Variants in WIZ observed in about 807,000 individuals in gnomAD.
WIZ encodes the protein protein Wiz.
A neutral mutation model predicts 140.2 loss-of-function variants in WIZ; 25 were observed. The ratio of observed to expected loss-of-function variants is 0.18; its 90% confidence interval spans 0.13 to 0.25. The LOEUF is 0.25. Ranked by LOEUF, WIZ falls within the 10% of genes least tolerant of loss-of-function variation. The probability of loss-of-function intolerance (pLI) is 1.00; values close to 1 mark genes in which losing one functional copy is unlikely to be tolerated. For missense variants in WIZ, 2,231 were observed against 2,632.6 expected (o/e 0.85, Z 3.34); for synonymous variants, 1,125 against 1,154.3 (o/e 0.97, Z 0.51).
At position 15,424,433 on chromosome 19, in the gene WIZ, T is replaced by C. The variant is rs1968583698; in HGVS notation, c.5315-55A>G. 3 of 1,575,466 alleles carry C rather than the reference T, an allele frequency of 1.9e-6. No homozygotes were observed. Among genetic ancestry groups the C allele is most frequent in the Non-Finnish European group, 2.6e-6 (3 of 1,164,044 alleles). ...TGGGAGGGGTGGATGCTGCAGAGAC[T>C]TGGAATACACAAGAGCTGAGGACTG... is the stretch of plus-strand genomic sequence containing the variant. On this transcript the variant is annotated intron_variant, in intron 11 of 12. Coordinates refer to ENST00000673675, the MANE Select transcript of WIZ (RefSeq NM_001371589.1). The surrounding 1 kb of genome is among the most constrained non-coding windows in gnomAD (Gnocchi z 9.7).
rs1394458216 is a variant in WIZ at position 15,438,433 on chromosome 19, CA to C, written c.2416+144del. ...GGGGCGTCTCCACACATCCACCGAC[CA>C]GGTGGCCTTCACTGTGGCTCTCAAG... On this transcript the variant is annotated intron_variant, in intron 4 of 12. Transcript: ENST00000673675. The C allele has an allele frequency of 8.9e-6, 8 of 903,716 alleles. No homozygotes were observed. The African/African-American group carries it at 1.3e-4, about 15-fold the overall frequency. The allele number at this position is 903,716 out of a possible 1,614,324, so 56.0% of individuals were successfully genotyped here.
intron 2 of WIZ, among the ~76,000 whole-genome samples, chr19:15,446,094 A>C (rs921189736): frequency 6.6e-6 from 1 of 152,072 alleles, no homozygotes; most frequent in Non-Finnish European, 1.5e-5. Context: ...AGCCATTCCT[A>C]TCCCTGCCCC....
chr19:15,428,622 A>G lies in WIZ; in HGVS notation c.3416-114T>C. The G allele has an allele frequency of 1.6e-6, 2 of 1,267,988 alleles. No homozygotes were observed. The highest frequency in any genetic ancestry group is 2.7e-5 in the South Asian group (2 of 72,768). The allele number at this position is 1,267,988 out of a possible 1,614,324, so 78.5% of individuals were successfully genotyped here. On this transcript the variant is annotated intron_variant, in intron 7 of 12. Coordinates refer to ENST00000673675, the MANE Select transcript of WIZ (RefSeq NM_001371589.1). The surrounding 1 kb of genome is among the most constrained non-coding windows in gnomAD (Gnocchi z 6.4). ...GCTGCTCAGGCAGTTGGGGGGTCCA[A>G]GACTCAGGCCGCAGATTTCTTTTGA...
chr19:15,423,313 G>A, intron 12 of WIZ, 78 bp from the exon 13 acceptor site: 1 of 1,527,822 alleles, frequency 6.5e-7, no homozygotes, highest in Non-Finnish European at 8.8e-7. Context: ...GCATCCCTGG[G>A]CACACCTGCT....
chr19:15,428,826 G>A lies in WIZ; in HGVS notation c.3416-318C>T, dbSNP rs868801825. On this transcript the variant is annotated intron_variant, in intron 7 of 12. Transcript: ENST00000673675. This position sits in a 1 kb window ranked among gnomAD's most constrained non-coding sequence, Gnocchi z 6.4. ...CTATTTGGGGGCGATGGTGGCTGCT[G>A]GGCTCACGCAGCCAAGGGCACACCT... Among the ~76,000 whole-genome samples, 1 of 152,162 alleles carries A rather than the reference G, an allele frequency of 6.6e-6. No homozygotes were observed. The highest frequency in any genetic ancestry group is 1.5e-5 in the Non-Finnish European group (1 of 68,020).
chr19:15,425,716 G>C lies in WIZ; in HGVS notation c.4419C>G (p.Phe1473Leu). The C allele has an allele frequency of 6.2e-7, 1 of 1,611,784 alleles. No individual in the cohort carries two copies. Among genetic ancestry groups the C allele is most frequent in the South Asian group, 1.1e-5 (1 of 90,988 alleles). The change falls in exon 10 of 13, where the codon TTC (phenylalanine) becomes TTG (leucine). Residue 1473 changes from phenylalanine (F) to leucine (L), a missense_variant. Physicochemically the swap from Phe to Leu is conservative, Grantham distance 22. Transcript: ENST00000673675. ...TCGACAGGCCCTTGCGGTTCTCGAAGAACTCGCCGCAGAACTCACAGCGGA... is the reference window on the plus strand; with the variant it reads ...TCGACAGGCCCTTGCGGTTCTCGAACAACTCGCCGCAGAACTCACAGCGGA... ...RDIRCEFCGE[F>L]FENRKGLSSH...
At chr19:15,437,325 C>G (rs767914091) in intron 4 of WIZ, among the ~76,000 whole-genome samples, 196 bp from the exon 5 acceptor site, 9 of 152,206 alleles carry the variant, frequency 5.9e-5, no homozygotes, top group East Asian at 1.9e-4. Context: ...CCAGATACCC[C>G]CTTCCCACAT....
chr19:15,440,254 GC>G lies in WIZ; in HGVS notation c.739del (p.Ala247ProfsTer15). 1 of 1,492,242 alleles carries G rather than the reference GC, an allele frequency of 6.7e-7. No homozygotes were observed. The highest frequency in any genetic ancestry group is 8.9e-7 in the Non-Finnish European group (1 of 1,125,148). The allele number at this position is 1,492,242 out of a possible 1,614,324, so 92.4% of individuals were successfully genotyped here. ...REDLEDLEGLAQPSEWGLPTS... is the reference protein window; with the variant it reads ...REDLEDLEGLXQPSEWGLPTS... ...GGGTAGGCCCCACTCGGACGGCTGG[GC>G]CAGCCCCTCCAGGTCCTCCAGATCT... On this transcript the variant is annotated frameshift_variant, in exon 4 of 13. Transcript: ENST00000673675. LOFTEE classifies it high-confidence loss of function. The surrounding 1 kb of genome is among the most constrained non-coding windows in gnomAD (Gnocchi z 6.2).
chr19:15,443,901 C>A (rs1969827162), intron 2 of WIZ, among the ~76,000 whole-genome samples: 1 of 152,168 alleles, frequency 6.6e-6, no homozygotes, highest in Non-Finnish European at 1.5e-5. Context: ...CCTCCTGGGA[C>A]CCCCTCCCCA....
intron 2 of WIZ, among the ~76,000 whole-genome samples, chr19:15,444,102 G>A (rs1025514175): frequency 5.9e-5 from 9 of 152,208 alleles, no homozygotes; most frequent in Admixed American, 1.3e-4. Context: ...TCCAGAGCCC[G>A]ACAGATGCAA....
At chr19:15,448,035 T>C (rs1406282310) in intron 2 of WIZ, 68 bp downstream of exon 2, 23 of 1,575,968 alleles carry the variant, frequency 1.5e-5, no homozygotes, top group Non-Finnish European at 1.9e-5. Context: ...GCTGGGTGAC[T>C]TGACTCTCTC....
intron 1 of WIZ, among the ~76,000 whole-genome samples, chr19:15,448,842 C>G (rs573765118): frequency 6.6e-6 from 1 of 152,230 alleles, no homozygotes; most frequent in Non-Finnish European, 1.5e-5. Flanking sequence ...ATCATTACCC[C>G]TTTACTTTTC....
chr19:15,448,423 G>A (rs1329349455), intron 1 of WIZ, 56 bp from the exon 2 acceptor site: 40 of 1,327,718 alleles, frequency 3.0e-5, no homozygotes, highest in Non-Finnish European at 3.6e-5. Flanking sequence ...ATCTGCCTCA[G>A]TTTCCCATCC....
chr19:15,431,866 G>C (rs1220437439), intron 5 of WIZ, among the ~76,000 whole-genome samples: 1 of 152,216 alleles, frequency 6.6e-6, no homozygotes, highest in Non-Finnish European at 1.5e-5. Flanking sequence ...TGTGGCAGAG[G>C]GAACCAAGGG....
intron 9 of WIZ, 87 bp downstream of exon 9, chr19:15,426,895 C>T (rs1209370588): frequency 1.3e-6 from 2 of 1,491,526 alleles, no homozygotes; most frequent in South Asian, 1.3e-5. Flanking sequence ...TCCAATTCAA[C>T]CCTAGGCACT....
intron 2 of WIZ, among the ~76,000 whole-genome samples, chr19:15,444,205 G>A (rs1396669677): frequency 2.0e-5 from 3 of 152,174 alleles, no homozygotes; most frequent in Non-Finnish European, 4.4e-5. Flanking sequence ...CAATTGGCCC[G>A]AGAAATTGAG....
intron 5 of WIZ, among the ~76,000 whole-genome samples, chr19:15,434,121 G>C (rs1969422966): frequency 6.6e-6 from 1 of 152,126 alleles, no homozygotes; most frequent in Non-Finnish European, 1.5e-5. Context: ...AGCTGGGCAT[G>C]GTGGTGGGCG....
chr19:15,448,563 G>A (rs186059627), intron 1 of WIZ, among the ~76,000 whole-genome samples, 196 bp from the exon 2 acceptor site: 2 of 151,790 alleles, frequency 1.3e-5, no homozygotes, highest in African/African-American at 2.4e-5. Flanking sequence ...GCATGCCTCC[G>A]TCTCCCCATC....
chr19:15,428,599 T>G lies in WIZ; in HGVS notation c.3416-91A>C. 6.7e-7 allele frequency: 1 copy of G among 1,486,644 alleles called. No individual in the cohort carries two copies. Among genetic ancestry groups the G allele is most frequent in the East Asian group, 2.5e-5 (1 of 40,354 alleles). 92.1% of individuals were successfully genotyped at this position (1,486,644 alleles called of 1,614,324 possible). A position where few individuals can be genotyped will look rare whatever the true frequency, so the allele number is the denominator to read the frequency against. On this transcript the variant is annotated intron_variant, in intron 7 of 12. Coordinates refer to ENST00000673675, the MANE Select transcript of WIZ (RefSeq NM_001371589.1). The surrounding 1 kb of genome is among the most constrained non-coding windows in gnomAD (Gnocchi z 6.4). ...AGGAGGGTCTGGTGTGATTTTTGGCTGCTCAGGCAGTTGGGGGGTCCAAGA... is the reference window on the plus strand; with the variant it reads ...AGGAGGGTCTGGTGTGATTTTTGGCGGCTCAGGCAGTTGGGGGGTCCAAGA...
Sources: gnomAD v4.1 joint callset for allele counts (sites outside exome capture counted in the v4.1 genomes callset) on GRCh38, gnomAD v4.1.1 for gene constraint, Gnocchi (gnomAD v3.1) non-coding constraint, MANE v1.5 for transcripts, NCBI Gene and HGNC (gene_info 2026-07-23, HGNC 2026-07-21) for gene names.